Variants in PDE7A observed in about 807,000 individuals in gnomAD.
PDE7A encodes high affinity 3',5'-cyclic-AMP phosphodiesterase 7A.
Under a neutral mutation model 64.3 loss-of-function variants are expected in PDE7A, and 39 were observed. The ratio of observed to expected loss-of-function variants is 0.61; its 90% CI spans 0.47 to 0.79. PDE7A has a LOEUF of 0.79. Ranked by LOEUF, PDE7A falls within the 30% of genes least tolerant of loss-of-function variation. The probability of loss-of-function intolerance (pLI) is 0.00; values close to 1 mark genes in which losing one functional copy is unlikely to be tolerated. For synonymous variants in PDE7A, 203 were observed against 206.8 expected (o/e 0.98, Z 0.16); for missense variants, 470 against 582.8 (o/e 0.81, Z 1.99).
rs1055306134 is a variant in PDE7A, at chr8:65,820,327, C to A, written c.138+21044G>T. 2.0e-5 allele frequency among the ~76,000 whole-genome samples: 3 copies of A among 152,132 alleles called. No individual in the cohort carries two copies. The South Asian group carries it at 6.2e-4, about 32-fold the overall frequency. On this transcript the variant is annotated intron_variant, in intron 1 of 12. Coordinates refer to ENST00000401827, the MANE Select transcript of PDE7A (RefSeq NM_001242318.3). The stretch of plus-strand genomic sequence containing the variant: ...GGGAGGACTGCTTGAGTCCAGGATG[C>A]GGAGGTTGCTGTGAGCTGAGATCAT...
intron 1 of PDE7A, among the ~76,000 whole-genome samples, chr8:65,839,853 C>G (rs1563527325): frequency 6.6e-6 from 1 of 152,176 alleles, no homozygotes; most frequent in African/African-American, 2.4e-5. Flanking sequence ...CCTTCTCATT[C>G]ATTTTCTTCT....
At chr8:65,776,442 G>A (rs1034400405) in intron 3 of PDE7A, among the ~76,000 whole-genome samples, 8 of 152,030 alleles carry the variant, frequency 5.3e-5, no homozygotes, top group African/African-American at 1.7e-4. Context: ...TTGGAGCTGG[G>A]ATTTTTTCAC....
chr8:65,723,476 A>T (rs758776714), intron 12 of PDE7A, 65 bp downstream of exon 12: 3 of 1,306,688 alleles, frequency 2.3e-6, no homozygotes, highest in East Asian at 5.6e-5. Flanking sequence ...TTTCAAATAT[A>T]TTTCCCTTCT....
At chr8:65,800,464 G>A (rs890146372) in intron 1 of PDE7A, among the ~76,000 whole-genome samples, 12 of 152,174 alleles carry the variant, frequency 7.9e-5, no homozygotes, top group African/African-American at 2.2e-4. Flanking sequence ...GATTTTGCCT[G>A]TAGCTTCTGC....
At chr8:65,800,063 C>A (rs1201898225) in intron 1 of PDE7A, among the ~76,000 whole-genome samples, 1 of 151,630 alleles carries the variant, frequency 6.6e-6, no homozygotes, top group African/African-American at 2.4e-5. Context: ...AAAACAACAG[C>A]CAAAGAAGTT....
At chr8:65,763,680 A>G (rs1239081700) in intron 3 of PDE7A, among the ~76,000 whole-genome samples, 1 of 152,240 alleles carries the variant, frequency 6.6e-6, no homozygotes, top group African/African-American at 2.4e-5. Flanking sequence ...GACGCTGAAC[A>G]TAGCATAGCT....
intron 3 of PDE7A, among the ~76,000 whole-genome samples, chr8:65,773,060 T>A (rs1809156936): frequency 6.6e-6 from 1 of 151,850 alleles, no homozygotes; most frequent in South Asian, 2.1e-4. Flanking sequence ...AGAGAACAAG[T>A]TCAGGCTAAT....
intron 1 of PDE7A, among the ~76,000 whole-genome samples, chr8:65,806,285 T>TA (rs145040551): frequency 2.8e-3 from 410 of 148,818 alleles, no homozygotes; most frequent in Middle Eastern, 0.01. Context: ...AAATTTGTAG[T>TA]AAAAAAAAAA....
intron 9 of PDE7A, among the ~76,000 whole-genome samples, 176 bp downstream of exon 9, chr8:65,726,699 G>A (rs1221990791): frequency 2.6e-5 from 4 of 152,080 alleles, no homozygotes; most frequent in South Asian, 2.1e-4. Context: ...AAATGTTACC[G>A]ACTATATAGT....
At chr8:65,757,732 C>A (rs989571662) in intron 3 of PDE7A, among the ~76,000 whole-genome samples, 7 of 152,164 alleles carry the variant, frequency 4.6e-5, no homozygotes, top group Non-Finnish European at 1.0e-4. Flanking sequence ...GATTCTTCTG[C>A]CTCAGCCTCC....
chr8:65,763,341 G>A (rs571747931), intron 3 of PDE7A, among the ~76,000 whole-genome samples: 1 of 152,248 alleles, frequency 6.6e-6, no homozygotes, highest in East Asian at 1.9e-4. Context: ...TGAGGCGGGT[G>A]GATCACCTGA....
chr8:65,792,947 G>A (rs773944999), intron 1 of PDE7A, among the ~76,000 whole-genome samples: 3 of 151,940 alleles, frequency 2.0e-5, no homozygotes, highest in Non-Finnish European at 4.4e-5. Flanking sequence ...TTGTCATGTA[G>A]TATCCGAATA....
At chr8:65,767,981 C>A (rs534023363) in intron 3 of PDE7A, among the ~76,000 whole-genome samples, 1 of 152,182 alleles carries the variant, frequency 6.6e-6, no homozygotes, top group South Asian at 2.1e-4. Context: ...GGCTGGGAGG[C>A]AGGTTTAGGA....
intron 6 of PDE7A, among the ~76,000 whole-genome samples, chr8:65,737,064 T>C (rs1807171243): frequency 6.6e-6 from 1 of 151,776 alleles, no homozygotes; most frequent in Non-Finnish European, 1.5e-5. Context: ...GCCATGATCA[T>C]GCCACTGCAT....
At chr8:65,765,316 C>G (rs1472612833) in intron 3 of PDE7A, among the ~76,000 whole-genome samples, 1 of 150,542 alleles carries the variant, frequency 6.6e-6, no homozygotes, top group Non-Finnish European at 1.5e-5. Context: ...GGTGAAACCC[C>G]GTCTCTACTA....
chr8:65,840,423 C>CACACACACACAT (rs1554572978), intron 1 of PDE7A, among the ~76,000 whole-genome samples: 12 of 151,354 alleles, frequency 7.9e-5, no homozygotes, highest in African/African-American at 2.4e-4. Context: ...CACACACACA[C>CACACACACACAT]ACACACACCT....
intron 1 of PDE7A, among the ~76,000 whole-genome samples, chr8:65,787,367 T>C (rs569458696): frequency 2.6e-4 from 40 of 152,322 alleles, no homozygotes; most frequent in African/African-American, 9.1e-4. Flanking sequence ...AACAAAATTT[T>C]TGGCAACATT....
chr8:65,796,792 T>G (rs1471708362), intron 1 of PDE7A, among the ~76,000 whole-genome samples: 1 of 152,110 alleles, frequency 6.6e-6, no homozygotes, highest in East Asian at 1.9e-4. Flanking sequence ...GCAAAGTTGC[T>G]CTACCACTTC....
In PDE7A at chr8:65,777,970, T is replaced by C. The variant is rs78954672; in HGVS notation, c.283+1750A>G. 7.1e-4 allele frequency among the ~76,000 whole-genome samples: 108 copies of C among 152,322 alleles called. 2 individuals are homozygous for C. In the East Asian group the frequency reaches 0.019, roughly 26 times the overall value. ...CAACTTCTAGAGATTTCTCAGCCAT[T>C]GCTTCTTTAAAGACTGCTCCTGCTA... is the stretch of plus-strand genomic sequence containing the variant. On this transcript the variant is annotated intron_variant, in intron 3 of 12. Coordinates refer to ENST00000401827, the MANE Select transcript of PDE7A (RefSeq NM_001242318.3).
Sources: gnomAD v4.1 joint callset for allele counts (sites outside exome capture counted in the v4.1 genomes callset) on GRCh38, gnomAD v4.1.1 for gene constraint, MANE v1.5 for transcripts, NCBI Gene and HGNC (gene_info 2026-07-23, HGNC 2026-07-21) for gene names.